E2F2: variants seen among roughly 807,000 people sequenced by gnomAD.
The protein encoded by E2F2 is E2F transcription factor 2, also known as transcription factor E2F2.
In E2F2, 22 loss-of-function variants were observed where a neutral mutation model predicts 42.2. The observed-to-expected ratio is 0.52, with a 90% CI of 0.37 to 0.74. The LOEUF is 0.74. E2F2 is among the 30% of genes least tolerant of loss of function. The probability of loss-of-function intolerance (pLI) is 0.00; values close to 1 mark genes in which losing one functional copy is unlikely to be tolerated. For synonymous variants in E2F2, 248 were observed against 251.6 expected (o/e 0.99, Z 0.13); for missense variants, 481 against 557.8 (o/e 0.86, Z 1.39).
At chr1:23,519,636 A>G (rs1459609530) in intron 4 of E2F2, among the ~76,000 whole-genome samples, 1 of 152,228 alleles carries the variant, frequency 6.6e-6, no homozygotes, top group Non-Finnish European at 1.5e-5. Context: ...CATTCTATGT[A>G]TAAAGATATT....
Position 23,524,461 on chromosome 1 carries a change from T to A in E2F2, c.280A>T (p.Ile94Phe). The A allele has an allele frequency of 6.2e-7, 1 of 1,607,362 alleles. No homozygotes were observed. Among genetic ancestry groups the A allele is most frequent in the African/African-American group, 1.3e-5 (1 of 74,724 alleles). Reference protein sequence around the residue: ...PAKRKLDLEGIGRPVVPEFPT... With the variant: ...PAKRKLDLEGFGRPVVPEFPT... ...AACTCAGGGACGACGGGCCTCCCAA[T>A]CCCCTCCAGATCCAGCTTCCTTTTG... The change falls in exon 2 of 7, where the codon ATT becomes TTT. Residue 94 changes from isoleucine (I) to phenylalanine (F), a missense_variant. Physicochemically the swap from Ile to Phe is conservative, Grantham distance 21. Transcript: ENST00000361729.
chr1:23,508,291 C>T lies in E2F2; in HGVS notation c.*1589G>A, dbSNP rs993950001. 2.0e-5 allele frequency: 3 copies of T among 152,266 alleles called. No homozygotes were observed. The highest frequency in any genetic ancestry group is 6.5e-5 in the Admixed American group (1 of 15,282). The allele number at this position is 152,266 out of a possible 1,614,324, so 9.4% of individuals were successfully genotyped here. On this transcript the variant is annotated 3_prime_UTR_variant, in exon 7 of 7. Coordinates refer to ENST00000361729, the MANE Select transcript of E2F2 (RefSeq NM_004091.4). ...AACTTCAGACATCAGTCAGTCAGCT[C>T]AGGAGCCATCCAACAAAACCAACTT... is the stretch of plus-strand genomic sequence containing the variant.
At position 23,521,056 on chromosome 1, in the gene E2F2, A is replaced by C; in HGVS notation, c.594T>G (p.Phe198Leu). 1 of 1,612,064 alleles carries C rather than the reference A, an allele frequency of 6.2e-7. No individual in the cohort carries two copies. Among genetic ancestry groups the C allele is most frequent in the Non-Finnish European group, 8.5e-7 (1 of 1,179,136 alleles). ...GCTTCCCAGGTCTGGTGGGGTCTTC[A>C]AACATTCCCCTGCCTCTGGGAACAG... ...NNIQWVGRGM[F>L]EDPTRPGKQQ... is the part of the protein sequence containing the mutation. Residue 198 changes from phenylalanine to leucine, a missense_variant, in exon 4 of 7, where the codon TTT becomes TTG. Transcript: ENST00000361729.
chr1:23,523,358 C>T (rs1239698782), intron 2 of E2F2, among the ~76,000 whole-genome samples: 1 of 152,096 alleles, frequency 6.6e-6, no homozygotes, highest in African/African-American at 2.4e-5. Context: ...GGTTTCACCA[C>T]GTTGGCCAGG....
At chr1:23,506,246 C>T (rs934729297), downstream of E2F2, among the ~76,000 whole-genome samples, 6 of 152,042 alleles carry the variant, frequency 3.9e-5, no homozygotes, top group South Asian at 2.1e-4. Flanking sequence ...CTGGGTGCTG[C>T]GAACTTTTCA....
At chr1:23,521,794 C>T in intron 3 of E2F2, 43 bp downstream of exon 3, 1 of 1,608,866 alleles carries the variant, frequency 6.2e-7, no homozygotes, top group South Asian at 1.1e-5. Context: ...GCCCACAGCA[C>T]AAGTACCCAT....
chr1:23,509,622 C>T lies in E2F2; in HGVS notation c.*258G>A, dbSNP rs1034780280. 5.8e-6 allele frequency: 3 copies of T among 518,356 alleles called. No homozygotes were observed. Among genetic ancestry groups the T allele is most frequent in the Non-Finnish European group, 8.6e-6 (3 of 348,368 alleles). 32.1% of individuals were successfully genotyped at this position (518,356 alleles called of 1,614,324 possible). ...CACCTGCAGCCTTCTTGTGAGAGGT[C>T]AGAAGTCAGAAGACTGGATGGGCCT... On this transcript the variant is annotated 3_prime_UTR_variant, in exon 7 of 7. Transcript: ENST00000361729.
intron 5 of E2F2, among the ~76,000 whole-genome samples, chr1:23,517,869 A>C (rs963849837): frequency 1.3e-5 from 2 of 152,194 alleles, no homozygotes; most frequent in African/African-American, 2.4e-5. Flanking sequence ...GGGGAAGAGC[A>C]TGTATGAGGG....
chr1:23,529,600 T>C (rs1643305762), intron 1 of E2F2, among the ~76,000 whole-genome samples: 1 of 152,220 alleles, frequency 6.6e-6, no homozygotes, highest in Admixed American at 6.5e-5. Flanking sequence ...TGGAGCTGAA[T>C]GTGGCTGAGA....
downstream of E2F2, among the ~76,000 whole-genome samples, chr1:23,505,772 C>A (rs558465872): frequency 6.6e-6 from 1 of 152,140 alleles, no homozygotes; most frequent in African/African-American, 2.4e-5. Flanking sequence ...CTTGGACTCT[C>A]GAAGTGTTGG....
intron 4 of E2F2, among the ~76,000 whole-genome samples, chr1:23,520,638 G>C (rs1643121949): frequency 6.6e-6 from 1 of 152,152 alleles, no homozygotes; most frequent in African/African-American, 2.4e-5. Flanking sequence ...AGCTATTCAG[G>C]AGGCTGCGGT....
rs537473319 is a variant in E2F2, at chr1:23,530,593, G to A, written c.201C>T (p.Pro67=). The change falls in exon 1 of 7, where the codon CCC becomes CCT. Residue 67 remains proline, a synonymous_variant. Transcript: ENST00000361729. The surrounding 1 kb of genome is among the most constrained non-coding windows in gnomAD (Gnocchi z 4.4). Reference sequence around the variant, plus strand: ...GCACAACTTGGCCCTCGGGTCCGTGGGGAGTGGCGTCGAGGCAGGTGCCTG... The same window carrying A: ...GCACAACTTGGCCCTCGGGTCCGTGAGGAGTGGCGTCGAGGCAGGTGCCTG... ...AAPGTCLDAT[P]HGPEGQVVRC... 8.1e-6 allele frequency: 13 copies of A among 1,612,974 alleles called. No individual in the cohort carries two copies. The highest frequency in any genetic ancestry group is 1.1e-5 in the Non-Finnish European group (13 of 1,179,794).
intron 5 of E2F2, among the ~76,000 whole-genome samples, chr1:23,518,758 G>A (rs1162653961): frequency 1.3e-5 from 2 of 152,170 alleles, no homozygotes; most frequent in African/African-American, 4.8e-5. Flanking sequence ...GTGCATGTGC[G>A]CAGGAACCCA....
rs1252068025 is a variant in E2F2 at position 23,530,606 on chromosome 1, A to G, written c.188T>C (p.Leu63Pro). ...CTCGGGTCCGTGGGGAGTGGCGTCG[A>G]GGCAGGTGCCTGGCGCCGCTGCGGG... ...APPAAAPGTC[L>P]DATPHGPEGQ... The change falls in exon 1 of 7, where the codon CTC becomes CCC. Residue 63 changes from leucine (L) to proline (P), a missense_variant. Leu to Pro is a moderately conservative substitution (Grantham distance 98). Transcript: ENST00000361729. This position sits in a 1 kb window ranked among gnomAD's most constrained non-coding sequence, Gnocchi z 4.4. 6.2e-7 allele frequency: 1 copy of G among 1,613,140 alleles called. No individual in the cohort carries two copies. The highest frequency in any genetic ancestry group is 1.3e-5 in the African/African-American group (1 of 75,032).
chr1:23,514,137 C>A (rs1038759919), intron 6 of E2F2, among the ~76,000 whole-genome samples: 5 of 145,442 alleles, frequency 3.4e-5, no homozygotes, highest in Admixed American at 1.4e-4. Context: ...AAAAAAAAAA[C>A]AACTTCACAC....
intron 1 of E2F2, among the ~76,000 whole-genome samples, chr1:23,526,105 C>A (rs1241262355): frequency 6.6e-6 from 1 of 152,104 alleles, no homozygotes; most frequent in Non-Finnish European, 1.5e-5. Context: ...TTGCTTTCCA[C>A]CACTACCGAG....
intron 3 of E2F2, among the ~76,000 whole-genome samples, chr1:23,521,381 A>T (rs1643143206): frequency 6.6e-6 from 1 of 152,078 alleles, no homozygotes; most frequent in Admixed American, 6.6e-5. Context: ...GATTTATGCC[A>T]AGGGCTATAG....
intron 1 of E2F2, among the ~76,000 whole-genome samples, chr1:23,524,797 G>A (rs1207379901): frequency 6.6e-6 from 1 of 152,166 alleles, no homozygotes; most frequent in Non-Finnish European, 1.5e-5. Context: ...GCCCTAAGCC[G>A]GCTCCTATAC....
chr1:23,509,926 C>T lies in E2F2; in HGVS notation c.1268G>A (p.Ser423Asn). ...LWGLEAGEGI[S>N]DLFDSYDLGD... ...AAGGTCGTAGGAGTCGAAGAGATCG[C>T]TGATGCCCTCACCCGCCTCCAAGCC... is the stretch of plus-strand genomic sequence containing the variant. Residue 423 changes from serine (S) to asparagine (N), a missense_variant, in exon 7 of 7, where the codon AGC (serine) becomes AAC (asparagine). Transcript: ENST00000361729. 1 of 1,600,514 alleles carries T rather than the reference C, an allele frequency of 6.2e-7. No individual in the cohort carries two copies. Among genetic ancestry groups the T allele is most frequent in the Non-Finnish European group, 8.5e-7 (1 of 1,172,406 alleles).
Sources: allele counts gnomAD v4.1 joint callset (sites outside exome capture counted in the v4.1 genomes callset), GRCh38; gene constraint gnomAD v4.1.1; non-coding constraint Gnocchi (gnomAD v3.1); transcripts MANE v1.5; gene names NCBI Gene and HGNC (gene_info 2026-07-23, HGNC 2026-07-21).